TUBB2B: variants seen among roughly 807,000 people sequenced by gnomAD.
TUBB2B encodes the protein tubulin beta-2B chain.
TUBB2B carries 5 observed loss-of-function variants against 35.0 expected under a neutral mutation model. The ratio of observed to expected loss-of-function variants is 0.14; its 90% CI spans 0.07 to 0.30. The LOEUF is 0.30. TUBB2B is among the 10% of genes least tolerant of loss of function. TUBB2B has a pLI of 1.00. For missense variants in TUBB2B, 63 were observed against 601.8 expected, an observed-to-expected ratio of 0.10 and a Z score of 9.37; for synonymous variants, 166 against 250.5, an observed-to-expected ratio of 0.66 and a Z score of 3.18.
Position 3,226,773 on chromosome 6 carries a change from A to G in TUBB2B, c.58-104T>C. The G allele has an allele frequency of 9.8e-7, 1 of 1,022,636 alleles. No individual in the cohort carries two copies. Among genetic ancestry groups the G allele is most frequent in the Non-Finnish European group, 1.6e-6 (1 of 643,570 alleles). The allele number at this position is 1,022,636 out of a possible 1,614,324, so 63.3% of individuals were successfully genotyped here. Reference sequence around the variant, plus strand: ...AGTTCCGACAACCCAACATTTCAGGAGCTTGAAGCTTTAAAGGGCGTCGTG... The same window carrying G: ...AGTTCCGACAACCCAACATTTCAGGGGCTTGAAGCTTTAAAGGGCGTCGTG... On this transcript the variant is annotated intron_variant, in intron 1 of 3. Transcript: ENST00000259818. This position sits in a 1 kb window ranked among gnomAD's most constrained non-coding sequence, Gnocchi z 5.5.
In TUBB2B at chr6:3,224,625, A is replaced by C; in HGVS notation, c.*126T>G. ...GTGACAGGCAACAGTGAAGAGCACC[A>C]GAGACCCAGCGCACACCTAAAGTAG... is the stretch of plus-strand genomic sequence containing the variant. On this transcript the variant is annotated 3_prime_UTR_variant, in exon 4 of 4. Transcript: ENST00000259818. The C allele has an allele frequency of 1.4e-6, 2 of 1,411,474 alleles. No individual in the cohort carries two copies. The highest frequency in any genetic ancestry group is 1.3e-5 in the South Asian group (1 of 74,226). 87.4% of individuals were successfully genotyped at this position (1,411,474 alleles called of 1,614,324 possible).
chr6:3,224,493 C>T lies in TUBB2B; in HGVS notation c.*258G>A, dbSNP rs144147671. The T allele has an allele frequency of 2.5e-5, 15 of 602,682 alleles. No homozygotes were observed. The East Asian group carries it at 3.7e-4, about 15-fold the overall frequency. The allele number at this position is 602,682 out of a possible 1,614,324, so 37.3% of individuals were successfully genotyped here. ...GAAAAAGGAAGAGAAAGAGAGGACA[C>T]CATTCCGACACAAACGTTTATGTGA... On this transcript the variant is annotated 3_prime_UTR_variant, in exon 4 of 4. Coordinates refer to ENST00000259818, the MANE Select transcript of TUBB2B (RefSeq NM_178012.5).
At position 3,227,058 on chromosome 6, in the gene TUBB2B, T is replaced by C. The variant is rs1205219792; in HGVS notation, c.58-389A>G. Among the ~76,000 whole-genome samples, 2 of 152,140 alleles carry C rather than the reference T, an allele frequency of 1.3e-5. No individual in the cohort carries two copies. The highest frequency in any genetic ancestry group is 2.4e-5 in the African/African-American group (1 of 41,436). ...CAAAGGAGCTAAAGGACCGCGGTTTTAGATTCAAAGCACGTCCTGAGACCG... is the reference window on the plus strand; with the variant it reads ...CAAAGGAGCTAAAGGACCGCGGTTTCAGATTCAAAGCACGTCCTGAGACCG... On this transcript the variant is annotated intron_variant, in intron 1 of 3. Coordinates refer to ENST00000259818, the MANE Select transcript of TUBB2B (RefSeq NM_178012.5). This position sits in a 1 kb window ranked among gnomAD's most constrained non-coding sequence, Gnocchi z 7.8.
rs1178117187 is a variant in TUBB2B at position 3,224,349 on chromosome 6, A to ACAGTTCACAG, written c.*401_*402insCTGTGAACTG. ...CTCTCATCTTAACTGTGATTGGTTC[A>ACAGTTCACAG]ATTTTACCATACCGAAAGAATAAAT... On this transcript the variant is annotated 3_prime_UTR_variant, in exon 4 of 4. Coordinates refer to ENST00000259818, the MANE Select transcript of TUBB2B (RefSeq NM_178012.5). 5 of 269,554 alleles carry ACAGTTCACAG rather than the reference A, an allele frequency of 1.9e-5. No individual in the cohort carries two copies. The highest frequency in any genetic ancestry group is 1.1e-4 in the African/African-American group (5 of 45,368). 16.7% of individuals were successfully genotyped at this position (269,554 alleles called of 1,614,324 possible). A position where few individuals can be genotyped will look rare whatever the true frequency, so the allele number is the denominator to read the frequency against.
chr6:3,226,493 T>A lies in TUBB2B; in HGVS notation c.166+68A>T, dbSNP rs1581526332. ...CTCTCCCAGGGCCACACCCCTGGGG[T>A]CCCACGCAAGGGAAAGGGGAGAAGG... is the stretch of plus-strand genomic sequence containing the variant. On this transcript the variant is annotated intron_variant, in intron 2 of 3. Transcript: ENST00000259818. The surrounding 1 kb of genome is among the most constrained non-coding windows in gnomAD (Gnocchi z 5.5). The A allele has an allele frequency of 4.9e-6, 7 of 1,425,432 alleles. No homozygotes were observed. The East Asian group carries it at 1.6e-4, about 32-fold the overall frequency. 88.3% of individuals were successfully genotyped at this position (1,425,432 alleles called of 1,614,324 possible). A position where few individuals can be genotyped will look rare whatever the true frequency, so the allele number is the denominator to read the frequency against.
At position 3,224,286 on chromosome 6, in the gene TUBB2B, C is replaced by T. The variant is rs1757243379; in HGVS notation, c.*465G>A. 1 of 184,546 alleles carries T rather than the reference C, an allele frequency of 5.4e-6. No individual in the cohort carries two copies. Among genetic ancestry groups the T allele is most frequent in the African/African-American group, 2.4e-5 (1 of 41,258 alleles). The allele number at this position is 184,546 out of a possible 1,614,324, so 11.4% of individuals were successfully genotyped here. On this transcript the variant is annotated 3_prime_UTR_variant, in exon 4 of 4. Transcript: ENST00000259818. Reference sequence around the variant, plus strand: ...TGCTTTCAAGTAGACATTTTTTCAACTAATATTTATTAAAGGTATTTTAAA... The same window carrying T: ...TGCTTTCAAGTAGACATTTTTTCAATTAATATTTATTAAAGGTATTTTAAA...
In TUBB2B at chr6:3,225,901, CTCAGATAAGACTATT is replaced by C; in HGVS notation, c.278-105_278-91del. On this transcript the variant is annotated intron_variant, in intron 3 of 3. Coordinates refer to ENST00000259818, the MANE Select transcript of TUBB2B (RefSeq NM_178012.5). ...CTCAATATAGATCAGTGAGTCAATG[CTCAGATAAGACTATT>C]TCAGATTATCACCAAAATGGCCAAA... is the stretch of plus-strand genomic sequence containing the variant. 7.0e-6 allele frequency: 11 copies of C among 1,573,902 alleles called. No individual in the cohort carries two copies. In the South Asian group the frequency reaches 1.3e-4, roughly 18 times the overall value.
Position 3,226,944 on chromosome 6 carries a change from C to A in TUBB2B, c.58-275G>T, listed in dbSNP as rs912778176. Among the ~76,000 whole-genome samples the A allele has an allele frequency of 1.3e-5, 2 of 152,086 alleles. No individual in the cohort carries two copies. Among genetic ancestry groups the A allele is most frequent in the African/African-American group, 4.8e-5 (2 of 41,432 alleles). ...AAAGCCGGGCAGTGGCGGAGCTTGG[C>A]GCACTGGTCGCAGCCCCAGGCTGCG... On this transcript the variant is annotated intron_variant, in intron 1 of 3. Coordinates refer to ENST00000259818, the MANE Select transcript of TUBB2B (RefSeq NM_178012.5). The surrounding 1 kb of genome is among the most constrained non-coding windows in gnomAD (Gnocchi z 5.5).
In TUBB2B at chr6:3,226,394, G is replaced by C; in HGVS notation, c.167-125C>G. 9.5e-7 allele frequency: 1 copy of C among 1,051,852 alleles called. No individual in the cohort carries two copies. 65.2% of individuals were successfully genotyped at this position (1,051,852 alleles called of 1,614,324 possible). ...GAGACCCACCATCAGGTTCTCAAAG[G>C]GCTCTGTTGGCATAAGGAAGCCCAA... On this transcript the variant is annotated intron_variant, in intron 2 of 3. Coordinates refer to ENST00000259818, the MANE Select transcript of TUBB2B (RefSeq NM_178012.5). This position sits in a 1 kb window ranked among gnomAD's most constrained non-coding sequence, Gnocchi z 5.5.
At position 3,224,781 on chromosome 6, in the gene TUBB2B, G is replaced by T. The variant is rs746506962; in HGVS notation, c.1308C>A (p.Phe436Leu). The T allele has an allele frequency of 6.2e-7, 1 of 1,613,290 alleles. No individual in the cohort carries two copies. The highest frequency in any genetic ancestry group is 8.5e-7 in the Non-Finnish European group (1 of 1,179,896). Residue 436 changes from phenylalanine to leucine, a missense_variant, in exon 4 of 4, where the codon TTC becomes TTA. Physicochemically the swap from Phe to Leu is conservative, Grantham distance 22. Around this residue, in one of 4 missense-constraint regions of TUBB2B, gnomAD observed 14 missense variants for 16.2 expected, o/e 0.86. Coordinates refer to ENST00000259818, the MANE Select transcript of TUBB2B (RefSeq NM_178012.5). ...QDATADEQGE[F>L]EEEEGEDEA is the part of the protein sequence containing the mutation. Reference sequence around the variant, plus strand: ...CCTCGTCCTCGCCCTCCTCCTCCTCGAACTCCCCTTGTTCGTCGGCCGTGG... The same window carrying T: ...CCTCGTCCTCGCCCTCCTCCTCCTCTAACTCCCCTTGTTCGTCGGCCGTGG...
In TUBB2B at chr6:3,226,403, G is replaced by A. The variant is rs1162296804; in HGVS notation, c.167-134C>T. On this transcript the variant is annotated intron_variant, in intron 2 of 3. Transcript: ENST00000259818. The surrounding 1 kb of genome is among the most constrained non-coding windows in gnomAD (Gnocchi z 5.5). The stretch of plus-strand genomic sequence containing the variant: ...CATCAGGTTCTCAAAGGGCTCTGTT[G>A]GCATAAGGAAGCCCAATGAAATACT... The A allele has an allele frequency of 9.6e-7, 1 of 1,042,694 alleles. No individual in the cohort carries two copies. Among genetic ancestry groups the A allele is most frequent in the African/African-American group, 1.6e-5 (1 of 63,936 alleles). 64.6% of individuals were successfully genotyped at this position (1,042,694 alleles called of 1,614,324 possible). A position where few individuals can be genotyped will look rare whatever the true frequency, so the allele number is the denominator to read the frequency against.
In TUBB2B at chr6:3,224,688, C is replaced by G. The variant is rs1358518212; in HGVS notation, c.*63G>C. On this transcript the variant is annotated 3_prime_UTR_variant, in exon 4 of 4. Coordinates refer to ENST00000259818, the MANE Select transcript of TUBB2B (RefSeq NM_178012.5). ...TCCTTCCACTGCCAGGTTATCGTCC[C>G]GGGAAGCCCCCCACCCCCTCGCTTT... 3.1e-6 allele frequency: 5 copies of G among 1,602,646 alleles called. No homozygotes were observed. The highest frequency in any genetic ancestry group is 3.4e-6 in the Non-Finnish European group (4 of 1,173,350).
rs1581526310 is a variant in TUBB2B, at chr6:3,226,442, G to A, written c.166+119C>T. 3 of 1,079,978 alleles carry A rather than the reference G, an allele frequency of 2.8e-6. No individual in the cohort carries two copies. The highest frequency in any genetic ancestry group is 2.4e-5 in the East Asian group (1 of 42,094). 66.9% of individuals were successfully genotyped at this position (1,079,978 alleles called of 1,614,324 possible). On this transcript the variant is annotated intron_variant, in intron 2 of 3. Transcript: ENST00000259818. The surrounding 1 kb of genome is among the most constrained non-coding windows in gnomAD (Gnocchi z 5.5). ...CAATGAAATACTGCAGGGAAAGAGC[G>A]GGGATCCTAAACTGAATAGTCCACC...
chr6:3,227,162 A>G lies in TUBB2B; in HGVS notation c.57+325T>C, dbSNP rs1757298459. On this transcript the variant is annotated intron_variant, in intron 1 of 3. Transcript: ENST00000259818. The surrounding 1 kb of genome is among the most constrained non-coding windows in gnomAD (Gnocchi z 7.8). ...GTACAATTAATCCTCCTGGTGTCCC[A>G]GCCCCTCGCGCGGAGCGCCGCGCAC... Among the ~76,000 whole-genome samples, 1 of 152,042 alleles carries G rather than the reference A, an allele frequency of 6.6e-6. No individual in the cohort carries two copies.
rs1757287451 is a variant in TUBB2B, at chr6:3,226,345, T to G, written c.167-76A>C. ...AAGGGCTTGGCGCCTGCTGCCATCA[T>G]GCAGATGTTGCCCCAAACAAAGGGA... On this transcript the variant is annotated intron_variant, in intron 2 of 3. Transcript: ENST00000259818. This position sits in a 1 kb window ranked among gnomAD's most constrained non-coding sequence, Gnocchi z 5.5. The G allele has an allele frequency of 7.5e-7, 1 of 1,334,900 alleles. No individual in the cohort carries two copies. Among genetic ancestry groups the G allele is most frequent in the Non-Finnish European group, 1.1e-6 (1 of 937,076 alleles). The allele number at this position is 1,334,900 out of a possible 1,614,324, so 82.7% of individuals were successfully genotyped here.
In TUBB2B at chr6:3,225,153, C is replaced by T. The variant is rs1757272889; in HGVS notation, c.936G>A (p.Thr312=). Residue 312 remains threonine, a synonymous_variant, in exon 4 of 4, where the codon ACG becomes ACA. Transcript: ENST00000259818. ...TGCGGCCCCGGAAGATGGCAGCCAC[C>T]GTCAGGTAGCGGCCGTGGCGCGGGT... ...ACDPRHGRYL[T]VAAIFRGRMS... is the part of the protein sequence containing the mutation. 1 of 915,712 alleles carries T rather than the reference C, an allele frequency of 1.1e-6. No homozygotes were observed. Among genetic ancestry groups the T allele is most frequent in the Non-Finnish European group, 1.5e-6 (1 of 648,186 alleles). The allele number at this position is 915,712 out of a possible 1,614,324, so 56.7% of individuals were successfully genotyped here. A position where few individuals can be genotyped will look rare whatever the true frequency, so the allele number is the denominator to read the frequency against.
intron 3 of TUBB2B, 124 bp from the exon 4 acceptor site, chr6:3,225,935 G>C: frequency 6.7e-7 from 1 of 1,503,180 alleles, no homozygotes; most frequent in Non-Finnish European, 9.1e-7. Context: ...TCACCAAAAT[G>C]GCCAAACGTT....
At position 3,226,543 on chromosome 6, in the gene TUBB2B, T is replaced by TG; in HGVS notation, c.166+17dup. On this transcript the variant is annotated intron_variant, in intron 2 of 3. Transcript: ENST00000259818. The surrounding 1 kb of genome is among the most constrained non-coding windows in gnomAD (Gnocchi z 5.5). The stretch of plus-strand genomic sequence containing the variant: ...GTGGAAAAACTGAAGGGAGTGGGGG[T>TG]GGGGCAAGGGTGATTACCAGTGGCT... 1 of 1,606,018 alleles carries TG rather than the reference T, an allele frequency of 6.2e-7. No homozygotes were observed. Among genetic ancestry groups the TG allele is most frequent in the Non-Finnish European group, 8.5e-7 (1 of 1,173,238 alleles).
Position 3,227,424 on chromosome 6 carries a change from C to G in TUBB2B, c.57+63G>C. 3.1e-6 allele frequency: 5 copies of G among 1,592,588 alleles called. No homozygotes were observed. The highest frequency in any genetic ancestry group is 4.3e-6 in the Non-Finnish European group (5 of 1,175,616). ...CCTTCCCAGGACCGCGCCTGGGGAC[C>G]CCGAGGGGCTCTCGGCCCAGGTTCG... On this transcript the variant is annotated intron_variant, in intron 1 of 3. Transcript: ENST00000259818. The surrounding 1 kb of genome is among the most constrained non-coding windows in gnomAD (Gnocchi z 7.8).
Sources: gnomAD v4.1 joint callset for allele counts (sites outside exome capture counted in the v4.1 genomes callset) on GRCh38, gnomAD v4.1.1 for gene constraint, gnomAD v4.1.1 regional missense constraint, Gnocchi (gnomAD v3.1) non-coding constraint, MANE v1.5 for transcripts, NCBI Gene and HGNC (gene_info 2026-07-23, HGNC 2026-07-21) for gene names.